Variants in PARD3B observed in about 807,000 individuals in gnomAD.
The protein encoded by PARD3B is par-3 family cell polarity regulator beta.
PARD3B carries 103 observed loss-of-function variants against 130.2 expected under a neutral mutation model. The ratio of observed to expected loss-of-function variants is 0.79; its 90% CI spans 0.67 to 0.93. PARD3B has a LOEUF of 0.93. Among genes scored for constraint, PARD3B ranks in the 40% least tolerant of loss-of-function variants. The pLI, the probability that PARD3B is intolerant of heterozygous loss-of-function variation, is 0.00. For missense variants in PARD3B, 1,609 were observed against 1,499.2 expected (o/e 1.07, Z -1.21); for synonymous variants, 583 against 553.2 (o/e 1.05, Z -0.76).
At chr2:205,509,768 G>A (rs539723736) in intron 21 of PARD3B, among the ~76,000 whole-genome samples, 1 of 152,322 alleles carries the variant, frequency 6.6e-6, no homozygotes, top group African/African-American at 2.4e-5. Context: ...CTTACACAGA[G>A]CTCCCTGTCT....
chr2:205,030,259 G>A (rs1414541565), intron 3 of PARD3B, among the ~76,000 whole-genome samples: 3 of 152,070 alleles, frequency 2.0e-5, no homozygotes, highest in Non-Finnish European at 4.4e-5. Context: ...ATATCTCACT[G>A]TACTCTGACT....
chr2:204,721,023 T>C (rs1246784187), intron 2 of PARD3B, among the ~76,000 whole-genome samples: 1 of 152,036 alleles, frequency 6.6e-6, no homozygotes, highest in Admixed American at 6.6e-5. Flanking sequence ...TGAGAATGAG[T>C]ACTACTCCAG....
At chr2:205,598,267 A>G (rs1013293748) in intron 22 of PARD3B, among the ~76,000 whole-genome samples, 2 of 152,174 alleles carry the variant, frequency 1.3e-5, no homozygotes, top group Non-Finnish European at 2.9e-5. Flanking sequence ...AGGAATGGCG[A>G]AAGATGTATC....
chr2:204,716,946 A>G (rs1399430515), intron 2 of PARD3B, among the ~76,000 whole-genome samples: 1 of 152,048 alleles, frequency 6.6e-6, no homozygotes, highest in South Asian at 2.1e-4. Flanking sequence ...GCACTAACCT[A>G]ATAACGTGCT....
chr2:205,044,067 T>C (rs988390279), intron 3 of PARD3B, among the ~76,000 whole-genome samples: 1 of 151,948 alleles, frequency 6.6e-6, no homozygotes, highest in African/African-American at 2.4e-5. Flanking sequence ...TTTGGTTTTT[T>C]GTTCTTGAGA....
At chr2:205,242,634 A>T (rs1227082342) in intron 15 of PARD3B, among the ~76,000 whole-genome samples, 1 of 152,154 alleles carries the variant, frequency 6.6e-6, no homozygotes, top group Non-Finnish European at 1.5e-5. Flanking sequence ...TATGTTCTCA[A>T]TTATTTTCTC....
In PARD3B at chr2:205,309,426, C is replaced by G. The variant is rs982571390; in HGVS notation, c.2630+7725C>G. Among the ~76,000 whole-genome samples, 3 of 152,178 alleles carry G rather than the reference C, an allele frequency of 2.0e-5. No homozygotes were observed. Among genetic ancestry groups the G allele is most frequent in the African/African-American group, 7.2e-5 (3 of 41,450 alleles). ...GGTATTTTTAACAATCTAGAGGCAT[C>G]AACTTTTTGTTCCTAAGCCTTACAG... On this transcript the variant is annotated intron_variant, in intron 18 of 22. Transcript: ENST00000406610. This position sits in a 1 kb window ranked among gnomAD's most constrained non-coding sequence, Gnocchi z 4.7.
chr2:205,432,840 C>A (rs2047383747), intron 19 of PARD3B, among the ~76,000 whole-genome samples: 1 of 152,072 alleles, frequency 6.6e-6, no homozygotes, highest in Non-Finnish European at 1.5e-5. Flanking sequence ...TCACTTTCCC[C>A]TATACTACTT....
rs895597109 is a variant in PARD3B, at chr2:205,440,816, C to A, written c.3044+144C>A. 5 of 828,016 alleles carry A rather than the reference C, an allele frequency of 6.0e-6. No homozygotes were observed. Among genetic ancestry groups the A allele is most frequent in the East Asian group, 2.7e-5 (1 of 37,384 alleles). 51.3% of individuals were successfully genotyped at this position (828,016 alleles called of 1,614,324 possible). A position where few individuals can be genotyped will look rare whatever the true frequency, so the allele number is the denominator to read the frequency against. ...CCCTAGACAAGTGCCATCCTTTGAC[C>A]GACCTGTAAGATATCCACCATCAAA... On this transcript the variant is annotated intron_variant, in intron 20 of 22. Transcript: ENST00000406610. This position sits in a 1 kb window ranked among gnomAD's most constrained non-coding sequence, Gnocchi z 4.2.
At chr2:204,856,926 A>G (rs1040403252) in intron 2 of PARD3B, among the ~76,000 whole-genome samples, 2 of 152,004 alleles carry the variant, frequency 1.3e-5, no homozygotes, top group African/African-American at 4.8e-5. Flanking sequence ...TTTTGATTAT[A>G]AAAGAGTTTT....
At chr2:205,375,161 T>G (rs2044990991) in intron 18 of PARD3B, among the ~76,000 whole-genome samples, 1 of 152,198 alleles carries the variant, frequency 6.6e-6, no homozygotes, top group African/African-American at 2.4e-5. Flanking sequence ...ACCCTGACAC[T>G]TGTCTCATCC....
rs11686133 is a variant in PARD3B at position 205,514,815 on chromosome 2, A to G, written c.3180+14784A>G. 2.6e-3 allele frequency among the ~76,000 whole-genome samples: 359 copies of G among 137,250 alleles called. 1 individual carries two copies. Among genetic ancestry groups the G allele is most frequent in the Non-Finnish European group, 3.9e-3 (248 of 63,836 alleles). The allele number at this position is 137,250 out of a possible 152,430, so 90.0% of individuals were successfully genotyped here. A position where few individuals can be genotyped will look rare whatever the true frequency, so the allele number is the denominator to read the frequency against. On this transcript the variant is annotated intron_variant, in intron 21 of 22. Transcript: ENST00000406610. ...ATATTTAACAAGTTTTTATGTTTTT[A>G]TTATTTTTCTTACAGTTCTTTTTTT...
chr2:204,646,611 C>T (rs565211196), intron 1 of PARD3B, among the ~76,000 whole-genome samples: 1 of 152,082 alleles, frequency 6.6e-6, no homozygotes, highest in African/African-American at 2.4e-5. Flanking sequence ...CCAGTGTGTA[C>T]ATACATTATC....
chr2:204,559,331 T>C (rs934307471), intron 1 of PARD3B, among the ~76,000 whole-genome samples: 29 of 151,950 alleles, frequency 1.9e-4, no homozygotes, highest in African/African-American at 6.8e-4. Context: ...ACAAAGAACT[T>C]AAACAAATTT....
chr2:205,314,181 G>C (rs1382331557), intron 18 of PARD3B, among the ~76,000 whole-genome samples: 2 of 152,212 alleles, frequency 1.3e-5, no homozygotes, highest in Admixed American at 1.3e-4. Flanking sequence ...TCTTTGTTTA[G>C]TACCTTTTAT....
chr2:204,597,258 GT>G (rs34142194), intron 1 of PARD3B, among the ~76,000 whole-genome samples: 14 of 147,548 alleles, frequency 9.5e-5, no homozygotes, highest in East Asian at 2.0e-4. Flanking sequence ...GCCGATGCGT[GT>G]TTTTTTTTTG....
chr2:204,553,537 G>GGTGT (rs36193401), intron 1 of PARD3B, among the ~76,000 whole-genome samples: 36 of 136,080 alleles, frequency 2.6e-4, no homozygotes, highest in African/African-American at 9.5e-4. Context: ...GAATCTGTGG[G>GGTGT]GTGTGTGTGT....
chr2:204,889,171 T>G (rs1179844917), intron 2 of PARD3B, among the ~76,000 whole-genome samples: 1 of 152,222 alleles, frequency 6.6e-6, no homozygotes, highest in Non-Finnish European at 1.5e-5. Context: ...CCATTAACTC[T>G]TAAGGGTCAT....
At chr2:205,129,485 T>G (rs2031786058) in intron 10 of PARD3B, among the ~76,000 whole-genome samples, 1 of 152,236 alleles carries the variant, frequency 6.6e-6, no homozygotes, top group East Asian at 1.9e-4. Context: ...TGATATCACT[T>G]TGGTCTCTTC....
Sources: allele counts gnomAD v4.1 joint callset (sites outside exome capture counted in the v4.1 genomes callset), GRCh38; gene constraint gnomAD v4.1.1; non-coding constraint Gnocchi (gnomAD v3.1); transcripts MANE v1.5; gene names NCBI Gene and HGNC (gene_info 2026-07-23, HGNC 2026-07-21).